Variants in ZBED6 observed in about 807,000 individuals in gnomAD.
The protein encoded by ZBED6 is zinc finger BED-type containing 6, also known as zinc finger BED domain-containing protein 6.
A neutral mutation model predicts 58.4 loss-of-function variants in ZBED6; 40 were observed. The observed-to-expected ratio is 0.68, with a 90% CI of 0.53 to 0.89. The LOEUF is 0.89. Among genes scored for constraint, ZBED6 ranks in the 40% least tolerant of loss-of-function variants. The probability of loss-of-function intolerance (pLI) is 0.00; values close to 1 mark genes in which losing one functional copy is unlikely to be tolerated. For synonymous variants in ZBED6, 439 were observed against 350.6 expected (o/e 1.25, Z -2.82); for missense variants, 1,057 against 1,003.9 (o/e 1.05, Z -0.71).
intron 11 of ZBED6, among the ~76,000 whole-genome samples, chr1:203,844,538 A>T (rs1687356054): frequency 6.6e-6 from 1 of 152,158 alleles, no homozygotes; most frequent in African/African-American, 2.4e-5. Flanking sequence ...TGGCTTCTTA[A>T]CCACTTCTTT....
chr1:203,818,589 G>A (rs1558110068), exon 3 of ZBED6: 1 of 1,613,966 alleles, frequency 6.2e-7, no homozygotes, highest in Non-Finnish European at 8.5e-7. Context: ...TGCCCATTCC[G>A]TCACTGTGAA....
chr1:203,795,675 C>T (rs113708222), upstream of ZBED6: 15,848 of 152,254 alleles, frequency 0.1, 1,102 homozygotes, highest in Non-Finnish European at 0.14. Flanking sequence ...TCTTGGTTTT[C>T]TGCTAGTGCT....
chr1:203,819,087 TATAC>T (rs1251706732), intron 3 of ZBED6, among the ~76,000 whole-genome samples: 15 of 41,464 alleles, frequency 3.6e-4, no homozygotes, highest in African/African-American at 7.3e-4. Context: ...AATATATATA[TATAC>T]ACACACACAC....
At chr1:203,853,133 G>A (rs1689612252) in exon 17 of ZBED6, 1 of 151,632 alleles carries the variant, frequency 6.6e-6, no homozygotes, top group Non-Finnish European at 1.5e-5. Flanking sequence ...ATATGAGATG[G>A]TGACATGATT....
chr1:203,822,422 CT>C (rs1679083728), intron 3 of ZBED6, among the ~76,000 whole-genome samples: 2 of 152,062 alleles, frequency 1.3e-5, no homozygotes, highest in Admixed American at 1.3e-4. Context: ...CAACATCCTA[CT>C]TTTGACCCCC....
At chr1:203,812,543 A>G (rs1674845147) in intron 1 of ZBED6, among the ~76,000 whole-genome samples, 1 of 141,832 alleles carries the variant, frequency 7.1e-6, no homozygotes, top group Non-Finnish European at 1.5e-5. Context: ...ACCAGCATTT[A>G]GTGCTTTCAG....
exon 1 of ZBED6, chr1:203,799,400 G>A: frequency 1.4e-6 from 1 of 703,160 alleles, no homozygotes; most frequent in South Asian, 1.5e-5. Flanking sequence ...GTCAGATACT[G>A]CAAGAGTTCC....
At chr1:203,822,344 T>C (rs1322370111) in intron 3 of ZBED6, among the ~76,000 whole-genome samples, 1 of 152,046 alleles carries the variant, frequency 6.6e-6, no homozygotes, top group Non-Finnish European at 1.5e-5. Context: ...GTTTCAACTC[T>C]AGTACTCTGT....
intron 1 of ZBED6, chr1:203,806,036 G>A (rs1470756862): frequency 3.7e-6 from 2 of 538,312 alleles, no homozygotes; most frequent in Non-Finnish European, 7.2e-6. Flanking sequence ...CGATTGTCCT[G>A]CTGCTGCTCA....
At chr1:203,841,808 C>T (rs1435658950) in intron 11 of ZBED6, among the ~76,000 whole-genome samples, 3 of 144,324 alleles carry the variant, frequency 2.1e-5, no homozygotes, top group Non-Finnish European at 4.7e-5. Context: ...CCGGACGGGG[C>T]GGCTGCCGGG....
rs1298960226 is a variant in ZBED6 at position 203,806,608 on chromosome 1, C to A, written c.*2554+3592C>A. 2.0e-5 allele frequency among the ~76,000 whole-genome samples: 3 copies of A among 152,172 alleles called. No individual in the cohort carries two copies. In the South Asian group the frequency reaches 6.2e-4, roughly 32 times the overall value. ...ATGAGCCACCGTGCCCGGCCTAACA[C>A]CTTTTTTTCTTAATGCATATACTAG... On this transcript the variant is annotated intron_variant, in intron 1 of 16. Coordinates refer to ENST00000550078, the Ensembl canonical transcript of ZBED6.
intron 3 of ZBED6, among the ~76,000 whole-genome samples, chr1:203,822,958 T>A (rs1462683333): frequency 6.6e-6 from 1 of 152,178 alleles, no homozygotes. Flanking sequence ...GCTACTCCAG[T>A]CTGGTTTTGT....
chr1:203,843,389 T>C (rs1687011430), intron 11 of ZBED6, among the ~76,000 whole-genome samples: 1 of 152,214 alleles, frequency 6.6e-6, no homozygotes, highest in South Asian at 2.1e-4. Context: ...CCTTGTGAAA[T>C]TTGTATTAGA....
At chr1:203,799,897 A>G (rs1335820983) in exon 1 of ZBED6, 4 of 1,535,996 alleles carry the variant, frequency 2.6e-6, no homozygotes, top group Admixed American at 3.9e-5. Flanking sequence ...GAAACTTATA[A>G]GCAGTTCCTT....
chr1:203,797,760 A>G, exon 1 of ZBED6: 3 of 1,535,712 alleles, frequency 2.0e-6, no homozygotes, highest in Non-Finnish European at 1.7e-6. Flanking sequence ...AAAAAAATTG[A>G]TTCTTGCCAA....
intron 1 of ZBED6, among the ~76,000 whole-genome samples, chr1:203,810,989 A>C (rs1225651341): frequency 2.0e-5 from 3 of 151,920 alleles, no homozygotes; most frequent in Non-Finnish European, 4.4e-5. Context: ...AAAAAAAAAA[A>C]AATTAGCAGG....
chr1:203,807,634 C>T (rs915690888), intron 1 of ZBED6, among the ~76,000 whole-genome samples: 3 of 152,106 alleles, frequency 2.0e-5, no homozygotes, highest in East Asian at 3.9e-4. Context: ...TCAAGTGATC[C>T]TTCCAGCTCA....
chr1:203,804,150 GTGTT>G (rs1345396088), intron 1 of ZBED6, among the ~76,000 whole-genome samples: 2 of 131,018 alleles, frequency 1.5e-5, no homozygotes, highest in Non-Finnish European at 3.3e-5. Context: ...TCCTGTATAT[GTGTT>G]TTTTTTTTTT....
intron 1 of ZBED6, among the ~76,000 whole-genome samples, chr1:203,807,931 T>G (rs1237099917): frequency 2.0e-5 from 3 of 151,386 alleles, no homozygotes; most frequent in Admixed American, 6.6e-5. Context: ...GTGTAGAAAC[T>G]AGGTCTCATT....
Sources: allele counts gnomAD v4.1 joint callset (sites outside exome capture counted in the v4.1 genomes callset), GRCh38; gene constraint gnomAD v4.1.1; transcripts MANE v1.5; gene names NCBI Gene and HGNC (gene_info 2026-07-23, HGNC 2026-07-21).